KHDRBS2: variants seen among roughly 807,000 people sequenced by gnomAD.
KHDRBS2 encodes the protein KH domain-containing, RNA-binding, signal transduction-associated protein 2.
A neutral mutation model predicts 44.3 loss-of-function variants in KHDRBS2; 26 were observed. That is an observed-to-expected ratio of 0.59 (90% CI 0.43 to 0.81). KHDRBS2 has a LOEUF of 0.81. Among genes scored for constraint, KHDRBS2 ranks in the 40% least tolerant of loss-of-function variants. The pLI is 0.00. For synonymous variants in KHDRBS2, 194 were observed against 151.1 expected, an observed-to-expected ratio of 1.28 and a Z score of -2.08; for missense variants, 476 against 433.1, an observed-to-expected ratio of 1.10 and a Z score of -0.88.
At chr6:62,025,026 T>C (rs1306173828) in intron 3 of KHDRBS2, among the ~76,000 whole-genome samples, 1 of 151,668 alleles carries the variant, frequency 6.6e-6, no homozygotes, top group African/African-American at 2.4e-5. Flanking sequence ...CTTATTTTTA[T>C]AAAAATCAAT....
chr6:61,582,494 A>G, the KHDRBS2 span, among the ~76,000 whole-genome samples: 1 of 151,798 alleles, frequency 6.6e-6, no homozygotes, highest in Admixed American at 6.6e-5. Flanking sequence ...TATCACTAAT[A>G]AAGTGATTCA....
At chr6:62,072,143 G>T (rs1404057331) in intron 2 of KHDRBS2, among the ~76,000 whole-genome samples, 4 of 152,114 alleles carry the variant, frequency 2.6e-5, no homozygotes, top group Non-Finnish European at 5.9e-5. Context: ...CTCTCTGTTT[G>T]TCTGTTATTG....
At chr6:61,950,283 C>G (rs993768446) in intron 4 of KHDRBS2, among the ~76,000 whole-genome samples, 3 of 152,012 alleles carry the variant, frequency 2.0e-5, no homozygotes, top group African/African-American at 7.2e-5. Flanking sequence ...GCTGAAAATT[C>G]AATATATTAC....
chr6:62,100,496 AT>A (rs1372784086), intron 2 of KHDRBS2, among the ~76,000 whole-genome samples: 2 of 152,190 alleles, frequency 1.3e-5, no homozygotes, highest in Non-Finnish European at 2.9e-5. Context: ...ACAGAGAAAC[AT>A]TTCATAAGAG....
At chr6:62,033,496 T>C (rs1370603288) in intron 3 of KHDRBS2, among the ~76,000 whole-genome samples, 1 of 151,632 alleles carries the variant, frequency 6.6e-6, no homozygotes, top group Admixed American at 6.6e-5. Context: ...ACAATGGAGC[T>C]CAAATACATC....
the KHDRBS2 span, among the ~76,000 whole-genome samples, chr6:61,567,965 G>A: frequency 2.0e-5 from 3 of 151,858 alleles, no homozygotes; most frequent in Admixed American, 6.6e-5. Context: ...TCATTTTGTA[G>A]TTTCATGTCT....
chr6:61,886,151 A>G (rs891015413), intron 6 of KHDRBS2, among the ~76,000 whole-genome samples: 5 of 152,098 alleles, frequency 3.3e-5, no homozygotes, highest in African/African-American at 1.2e-4. Flanking sequence ...AAATTCCCCA[A>G]AACCTCAGGT....
chr6:61,669,968 C>A, the KHDRBS2 span, among the ~76,000 whole-genome samples: 1 of 150,880 alleles, frequency 6.6e-6, no homozygotes, highest in Non-Finnish European at 1.5e-5. Flanking sequence ...ACCAGAATCC[C>A]ACTTCAAATA....
At chr6:62,020,910 T>A (rs1381325938) in intron 3 of KHDRBS2, among the ~76,000 whole-genome samples, 1 of 151,990 alleles carries the variant, frequency 6.6e-6, no homozygotes. Flanking sequence ...AACCGTTGTA[T>A]CATAAAGACA....
chr6:62,181,808 TA>T (rs1822372526), intron 1 of KHDRBS2, among the ~76,000 whole-genome samples: 2 of 151,928 alleles, frequency 1.3e-5, no homozygotes, highest in South Asian at 4.2e-4. Context: ...TTCATGCTCT[TA>T]AAAAAGAGGC....
intron 1 of KHDRBS2, among the ~76,000 whole-genome samples, chr6:62,264,203 A>G (rs1165644958): frequency 6.6e-6 from 1 of 151,818 alleles, no homozygotes; most frequent in Admixed American, 6.6e-5. Flanking sequence ...GAGTCACATC[A>G]TTTTTTGAAA....
intron 2 of KHDRBS2, among the ~76,000 whole-genome samples, chr6:62,140,874 T>C (rs543688038): frequency 2.0e-5 from 3 of 152,292 alleles, no homozygotes; most frequent in East Asian, 1.9e-4. Flanking sequence ...ATGAGTCTAA[T>C]TGTGTGCAAT....
At chr6:61,904,545 C>A (rs1352773253) in intron 4 of KHDRBS2, among the ~76,000 whole-genome samples, 1 of 152,200 alleles carries the variant, frequency 6.6e-6, no homozygotes, top group African/African-American at 2.4e-5. Flanking sequence ...AGTTGCTGTG[C>A]TCTAAAATCC....
At chr6:61,720,439 G>A (rs1391351341) in intron 7 of KHDRBS2, among the ~76,000 whole-genome samples, 1 of 152,050 alleles carries the variant, frequency 6.6e-6, no homozygotes, top group Non-Finnish European at 1.5e-5. Context: ...TCCAGCACCT[G>A]TTGTTTCCTG....
the KHDRBS2 span, among the ~76,000 whole-genome samples, chr6:61,613,777 T>C: frequency 2.0e-5 from 3 of 146,442 alleles, no homozygotes; most frequent in Non-Finnish European, 4.5e-5. Context: ...CAATTGTAAA[T>C]GGGAGATGTT....
intron 2 of KHDRBS2, among the ~76,000 whole-genome samples, chr6:62,122,333 G>A (rs768362205): frequency 6.6e-6 from 1 of 152,036 alleles, no homozygotes; most frequent in African/African-American, 2.4e-5. Context: ...GCTTGTTATC[G>A]GGCTTTGATA....
chr6:62,062,127 G>C (rs1031003814), intron 2 of KHDRBS2, among the ~76,000 whole-genome samples: 3 of 148,226 alleles, frequency 2.0e-5, no homozygotes. Context: ...GATTCATAAA[G>C]CAAGTCCTGA....
intron 1 of KHDRBS2, among the ~76,000 whole-genome samples, chr6:62,223,810 A>G (rs1831301901): frequency 6.6e-6 from 1 of 152,176 alleles, no homozygotes; most frequent in Admixed American, 6.5e-5. Context: ...AGTTCCCAAC[A>G]AATTCCTCAT....
At chr6:62,224,718 T>TA (rs1831474884) in intron 1 of KHDRBS2, among the ~76,000 whole-genome samples, 1 of 152,228 alleles carries the variant, frequency 6.6e-6, no homozygotes, top group Admixed American at 6.5e-5. Flanking sequence ...GCACAGTGTT[T>TA]AAGAGTGGAA....
Sources: allele counts gnomAD v4.1 joint callset (sites outside exome capture counted in the v4.1 genomes callset), GRCh38; gene constraint gnomAD v4.1.1; transcripts MANE v1.5; gene names NCBI Gene and HGNC (gene_info 2026-07-23, HGNC 2026-07-21).